MORC1: variants seen among roughly 807,000 people sequenced by gnomAD.
The protein encoded by MORC1 is MORC family CW-type zinc finger 1.
In MORC1, 59 loss-of-function variants were observed where a neutral mutation model predicts 134.9. The observed-to-expected ratio is 0.44, with a 90% CI of 0.35 to 0.54. The LOEUF is 0.54. Ranked by LOEUF, MORC1 falls within the 20% of genes least tolerant of loss-of-function variation. The pLI is 0.00. For synonymous variants in MORC1, 395 were observed against 391.7 expected (o/e 1.01, Z -0.10); for missense variants, 947 against 1,134.5 (o/e 0.83, Z 2.37).
intron 7 of MORC1, among the ~76,000 whole-genome samples, chr3:109,094,651 A>C (rs1950794080): frequency 6.6e-6 from 1 of 152,116 alleles, no homozygotes; most frequent in Non-Finnish European, 1.5e-5. Context: ...CTGTGGTCAT[A>C]GCCTGTATCA....
At chr3:109,096,794 A>G (rs1337151620) in intron 6 of MORC1, among the ~76,000 whole-genome samples, 1 of 152,154 alleles carries the variant, frequency 6.6e-6, no homozygotes, top group African/African-American at 2.4e-5. Context: ...CACAAGGTCC[A>G]AGAACTCTCT....
rs200439000 is a variant in MORC1, at chr3:109,095,074, T to A, written c.424-6A>T. On this transcript the variant is annotated splice_region_variant and splice_polypyrimidine_tract_variant and intron_variant, in intron 6 of 27. Coordinates refer to ENST00000232603, the MANE Select transcript of MORC1 (RefSeq NM_014429.4). ...GAGGGCATTGGAACTACAACCTATT[T>A]AAAAAAAAACACATCAATTTACTAT... The A allele has an allele frequency of 1.4e-4, 216 of 1,547,130 alleles. No homozygotes were observed. The highest frequency in any genetic ancestry group is 1.8e-4 in the Middle Eastern group (1 of 5,714).
At chr3:109,114,964 A>T (rs1951239152) in intron 1 of MORC1, among the ~76,000 whole-genome samples, 1 of 152,200 alleles carries the variant, frequency 6.6e-6, no homozygotes, top group Non-Finnish European at 1.5e-5. Context: ...TAACCTTAAA[A>T]ATGGCCTCAG....
At chr3:109,026,988 C>T (rs1559902418) in intron 17 of MORC1, among the ~76,000 whole-genome samples, 1 of 152,188 alleles carries the variant, frequency 6.6e-6, no homozygotes, top group Non-Finnish European at 1.5e-5. Context: ...AAAACACTTA[C>T]TATAAGCTGC....
intron 16 of MORC1, among the ~76,000 whole-genome samples, 191 bp from the exon 17 acceptor site, chr3:109,028,080 C>T (rs150647754): frequency 2.6e-5 from 4 of 152,244 alleles, no homozygotes; most frequent in African/African-American, 4.8e-5. Flanking sequence ...GCATGGAAAA[C>T]AGCCTAATAA....
At chr3:109,112,371 T>C (rs1171183681) in intron 2 of MORC1, among the ~76,000 whole-genome samples, 1 of 152,210 alleles carries the variant, frequency 6.6e-6, no homozygotes, top group Non-Finnish European at 1.5e-5. Flanking sequence ...ATTAAAATAT[T>C]GAATACAATG....
At chr3:109,040,353 T>TGAAAGAATGAAAGAAAGAAAGAAAGAAA (rs1553753592) in intron 14 of MORC1, among the ~76,000 whole-genome samples, 5 of 28,224 alleles carry the variant, frequency 1.8e-4, no homozygotes, top group South Asian at 1.2e-3. Flanking sequence ...CTCAAAGAAC[T>TGAAAGAATGAAAGAAAGAAAGAAAGAAA]GAAAGAAAGA....
intron 21 of MORC1, among the ~76,000 whole-genome samples, chr3:108,992,199 CTT>C (rs779076657): frequency 4.6e-5 from 7 of 152,108 alleles, no homozygotes; most frequent in Non-Finnish European, 7.4e-5. Context: ...ACAAATATCT[CTT>C]GTTATAATCA....
chr3:109,020,691 G>A (rs949709897), intron 17 of MORC1, among the ~76,000 whole-genome samples: 8 of 151,164 alleles, frequency 5.3e-5, no homozygotes, highest in African/African-American at 1.5e-4. Context: ...GTGTGAACCC[G>A]GGGGCAGAGC....
At chr3:108,992,049 T>C (rs899029313) in intron 21 of MORC1, among the ~76,000 whole-genome samples, 13 of 152,192 alleles carry the variant, frequency 8.5e-5, no homozygotes, top group African/African-American at 3.1e-4. Flanking sequence ...TTAAACAAAA[T>C]ATCCATGATT....
chr3:108,997,312 C>G (rs900313204), intron 21 of MORC1, among the ~76,000 whole-genome samples: 17 of 152,146 alleles, frequency 1.1e-4, no homozygotes, highest in Non-Finnish European at 2.1e-4. Context: ...GTGGGTGGAT[C>G]ACTTGAGGCC....
chr3:109,091,253 G>A (rs1233190001), intron 8 of MORC1, among the ~76,000 whole-genome samples: 1 of 151,644 alleles, frequency 6.6e-6, no homozygotes, highest in Non-Finnish European at 1.5e-5. Flanking sequence ...GACCAGCCTG[G>A]CCAACATGGT....
At chr3:109,098,390 A>T (rs1264792361) in intron 6 of MORC1, among the ~76,000 whole-genome samples, 1 of 152,146 alleles carries the variant, frequency 6.6e-6, no homozygotes. Context: ...TGCTTACAGC[A>T]TCACTTTTCC....
chr3:109,052,726 T>C lies in MORC1; in HGVS notation c.1330+2002A>G, dbSNP rs187943528. Among the ~76,000 whole-genome samples, 114 of 152,324 alleles carry C rather than the reference T, an allele frequency of 7.5e-4. No individual in the cohort carries two copies. The South Asian group carries it at 8.1e-3, about 11-fold the overall frequency. ...GGTAGAGACATATTTTTAATGTACA[T>C]GAATTACACATACTTCACCCAAATC... On this transcript the variant is annotated intron_variant, in intron 14 of 27. Coordinates refer to ENST00000232603, the MANE Select transcript of MORC1 (RefSeq NM_014429.4).
chr3:109,063,161 C>T lies in MORC1; in HGVS notation c.886G>A (p.Val296Ile). ...ACAGGTAATCGCATACCAATCTTTA[C>T]TGCTTCTTCTGCCTTTTTAACTTCA... ...KDEVKKAEEAVKIAESILKEA... is the reference protein window; with the variant it reads ...KDEVKKAEEAIKIAESILKEA... Residue 296 changes from valine to isoleucine, a missense_variant, in exon 10 of 28, where the codon GTA (valine) becomes ATA (isoleucine). Around this residue, in one of 3 missense-constraint regions of MORC1, gnomAD observed 722 missense variants for 817.0 expected, o/e 0.88. Transcript: ENST00000232603. 5 of 1,595,318 alleles carry T rather than the reference C, an allele frequency of 3.1e-6. No homozygotes were observed. The highest frequency in any genetic ancestry group is 1.7e-4 in the Middle Eastern group (1 of 6,020).
chr3:109,112,778 T>C (rs934180141), intron 2 of MORC1, among the ~76,000 whole-genome samples: 4 of 152,332 alleles, frequency 2.6e-5, no homozygotes, highest in Admixed American at 6.5e-5. Context: ...TTCCTTTTCT[T>C]TATAAACACT....
intron 4 of MORC1, among the ~76,000 whole-genome samples, chr3:109,103,033 C>G (rs1559954324): frequency 6.6e-6 from 1 of 151,280 alleles, no homozygotes; most frequent in South Asian, 2.1e-4. Flanking sequence ...TTTGCCATAC[C>G]TCATATCTTC....
chr3:109,093,013 A>G (rs1950760524), intron 8 of MORC1, among the ~76,000 whole-genome samples: 1 of 152,132 alleles, frequency 6.6e-6, no homozygotes, highest in Non-Finnish European at 1.5e-5. Flanking sequence ...TCCATTTTTA[A>G]TGATCTGTAA....
chr3:109,013,344 C>T (rs1443040838), intron 17 of MORC1, among the ~76,000 whole-genome samples: 5 of 151,982 alleles, frequency 3.3e-5, no homozygotes, highest in African/African-American at 1.2e-4. Context: ...CTATAGAAAG[C>T]GTTAAGTGGA....
Sources: gnomAD v4.1 joint callset for allele counts (sites outside exome capture counted in the v4.1 genomes callset) on GRCh38, gnomAD v4.1.1 for gene constraint, gnomAD v4.1.1 regional missense constraint, MANE v1.5 for transcripts, NCBI Gene and HGNC (gene_info 2026-07-23, HGNC 2026-07-21) for gene names.